The following CDH13 variants were observed in gnomAD, a reference collection of about 807,000 sequenced individuals.
CDH13 encodes the protein cadherin-13.
Under a neutral mutation model 63.8 loss-of-function variants are expected in CDH13, and 24 were observed. That is an observed-to-expected ratio of 0.38 (90% CI 0.27 to 0.53). The LOEUF is 0.53. Ranked by LOEUF, CDH13 falls within the 20% of genes least tolerant of loss-of-function variation. The pLI is 0.85. For missense variants in CDH13, 1,049 were observed against 903.1 expected, an observed-to-expected ratio of 1.16 and a Z score of -2.07; for synonymous variants, 503 against 355.3, an observed-to-expected ratio of 1.42 and a Z score of -4.67.
At chr16:82,775,453 C>T (rs1276248002) in intron 1 of CDH13, among the ~76,000 whole-genome samples, 1 of 152,192 alleles carries the variant, frequency 6.6e-6, no homozygotes, top group African/African-American at 2.4e-5. Context: ...ATCACACTCA[C>T]CCCATAGGCT....
intron 1 of CDH13, among the ~76,000 whole-genome samples, chr16:82,817,232 C>T (rs1477615170): frequency 6.6e-6 from 1 of 151,988 alleles, no homozygotes; most frequent in Non-Finnish European, 1.5e-5. Context: ...AGAAGGTTTT[C>T]TCTCATAAGC....
At position 82,883,320 on chromosome 16, in the gene CDH13, C is replaced by G. The variant is rs546053061; in HGVS notation, c.157+24847C>G. 4.5e-4 allele frequency among the ~76,000 whole-genome samples: 69 copies of G among 152,304 alleles called. 1 individual carries two copies. Among genetic ancestry groups the G allele is most frequent in the African/African-American group, 1.6e-3 (65 of 41,568 alleles). ...ATTACCATCATCCCCACCATCACAT[C>G]ATTGTATTTAATAGCAGGAGAAAGG... is the stretch of plus-strand genomic sequence containing the variant. On this transcript the variant is annotated intron_variant, in intron 2 of 13. Transcript: ENST00000567109.
chr16:83,765,783 T>TC (rs928629496), intron 11 of CDH13, among the ~76,000 whole-genome samples: 2 of 150,796 alleles, frequency 1.3e-5, no homozygotes, highest in Admixed American at 6.6e-5. Context: ...ACAGCTTTCT[T>TC]TTTTTTTTTC....
chr16:83,740,608 G>C (rs1377401930), intron 10 of CDH13, among the ~76,000 whole-genome samples: 2 of 152,198 alleles, frequency 1.3e-5, no homozygotes, highest in Non-Finnish European at 2.9e-5. Context: ...CCATATGCCA[G>C]TCAGAATTGT....
chr16:83,117,282 G>A (rs1213210760), intron 3 of CDH13, among the ~76,000 whole-genome samples: 4 of 152,072 alleles, frequency 2.6e-5, no homozygotes, highest in Non-Finnish European at 4.4e-5. Flanking sequence ...ACCTCACAGC[G>A]CTCACCTTGC....
intron 2 of CDH13, among the ~76,000 whole-genome samples, chr16:82,888,144 C>G (rs74032716): frequency 5.9e-5 from 9 of 152,046 alleles, no homozygotes; most frequent in African/African-American, 2.2e-4. Flanking sequence ...ACCGAACAAC[C>G]TTTTGGGAAG....
At chr16:83,037,187 T>TA (rs1466207353) in intron 3 of CDH13, among the ~76,000 whole-genome samples, 3 of 152,214 alleles carry the variant, frequency 2.0e-5, no homozygotes, top group Non-Finnish European at 4.4e-5. Flanking sequence ...GGAGCTTTCT[T>TA]ACGGTCATGC....
chr16:83,590,170 C>T (rs1369281817), intron 7 of CDH13, among the ~76,000 whole-genome samples: 1 of 152,058 alleles, frequency 6.6e-6, no homozygotes, highest in Non-Finnish European at 1.5e-5. Context: ...AAGGAGAGTC[C>T]TTGGTCAGAT....
At chr16:83,775,329 A>G (rs998199274) in intron 11 of CDH13, among the ~76,000 whole-genome samples, 2 of 151,834 alleles carry the variant, frequency 1.3e-5, no homozygotes, top group Non-Finnish European at 2.9e-5. Context: ...GGCAGGGGCC[A>G]TGACCTTCAG....
At chr16:83,686,208 A>T (rs919970197) in intron 10 of CDH13, among the ~76,000 whole-genome samples, 2 of 152,170 alleles carry the variant, frequency 1.3e-5, no homozygotes, top group Non-Finnish European at 2.9e-5. Context: ...AGGCTTTTTG[A>T]ACATGTCTTA....
At chr16:83,092,003 C>T (rs2033936105) in intron 3 of CDH13, among the ~76,000 whole-genome samples, 1 of 152,172 alleles carries the variant, frequency 6.6e-6, no homozygotes, top group Non-Finnish European at 1.5e-5. Context: ...GCATACCAGG[C>T]AATGCTGGCA....
At chr16:82,935,514 G>A (rs1006041699) in intron 2 of CDH13, among the ~76,000 whole-genome samples, 2 of 152,166 alleles carry the variant, frequency 1.3e-5, no homozygotes, top group African/African-American at 2.4e-5. Flanking sequence ...GGTTTCCAAC[G>A]TGTTTTCCTA....
chr16:83,382,804 T>C (rs1387866455), intron 6 of CDH13, among the ~76,000 whole-genome samples: 1 of 152,188 alleles, frequency 6.6e-6, no homozygotes, highest in Non-Finnish European at 1.5e-5. Flanking sequence ...GTTACACCAA[T>C]GGTTCTCATC....
At chr16:82,816,326 G>T (rs2037708212) in intron 1 of CDH13, among the ~76,000 whole-genome samples, 1 of 152,182 alleles carries the variant, frequency 6.6e-6, no homozygotes, top group Non-Finnish European at 1.5e-5. Flanking sequence ...GTAGGTAGTG[G>T]TGATACAGCA....
chr16:83,468,533 G>C (rs145718354), intron 6 of CDH13, among the ~76,000 whole-genome samples: 2 of 152,350 alleles, frequency 1.3e-5, no homozygotes, highest in Admixed American at 6.5e-5. Context: ...AATAGATTTA[G>C]TGAGTGAAGG....
At chr16:83,037,035 C>T (rs922936815) in intron 3 of CDH13, among the ~76,000 whole-genome samples, 7 of 152,166 alleles carry the variant, frequency 4.6e-5, no homozygotes, top group African/African-American at 1.7e-4. Flanking sequence ...TATGGAGCCA[C>T]TGTAGGTTCT....
chr16:83,456,731 G>A (rs1036189996), intron 6 of CDH13, among the ~76,000 whole-genome samples: 2 of 152,178 alleles, frequency 1.3e-5, no homozygotes, highest in African/African-American at 2.4e-5. Context: ...GGAGGCCAAG[G>A]CGGGCAGATC....
intron 1 of CDH13, among the ~76,000 whole-genome samples, chr16:82,779,686 C>T (rs1392772929): frequency 5.3e-5 from 8 of 152,170 alleles, no homozygotes; most frequent in Admixed American, 2.0e-4. Flanking sequence ...CACTCTATTC[C>T]ACCAGAACCA....
chr16:82,925,205 C>T (rs968800326), intron 2 of CDH13, among the ~76,000 whole-genome samples: 3 of 152,158 alleles, frequency 2.0e-5, no homozygotes, highest in Non-Finnish European at 4.4e-5. Flanking sequence ...CCATCAGCTC[C>T]TGGCCTCCTT....
Sources: allele counts gnomAD v4.1 joint callset (sites outside exome capture counted in the v4.1 genomes callset), GRCh38; gene constraint gnomAD v4.1.1; transcripts MANE v1.5; gene names NCBI Gene and HGNC (gene_info 2026-07-23, HGNC 2026-07-21).